TADA2A: variants seen among roughly 807,000 people sequenced by gnomAD.
TADA2A encodes the protein transcriptional adaptor 2A.
Under a neutral mutation model 67.4 loss-of-function variants are expected in TADA2A, and 38 were observed. That is an observed-to-expected ratio of 0.56 (90% confidence interval 0.44 to 0.74). The LOEUF (loss-of-function observed/expected upper bound fraction) is 0.74, where lower values mean the gene tolerates loss of function less well. TADA2A is among the 30% of genes least tolerant of loss of function. TADA2A has a pLI of 0.00. For synonymous variants in TADA2A, 192 were observed against 181.6 expected, an observed-to-expected ratio of 1.06 and a Z score of -0.46; for missense variants, 454 against 547.0, an observed-to-expected ratio of 0.83 and a Z score of 1.70.
chr17:37,412,988 C>T (rs535212085), intron 2 of TADA2A, among the ~76,000 whole-genome samples: 1 of 152,086 alleles, frequency 6.6e-6, no homozygotes, highest in South Asian at 2.1e-4. Context: ...AGTGCAGTGG[C>T]ATGATCTCGG....
intron 9 of TADA2A, among the ~76,000 whole-genome samples, chr17:37,460,824 TATCTC>T (rs1407357495): frequency 6.6e-6 from 1 of 152,108 alleles, no homozygotes; most frequent in Non-Finnish European, 1.5e-5. Flanking sequence ...GACACAGTGA[TATCTC>T]AGCAATAAAA....
intron 4 of TADA2A, among the ~76,000 whole-genome samples, chr17:37,435,122 T>G (rs2147953690): frequency 6.6e-6 from 1 of 152,186 alleles, no homozygotes; most frequent in East Asian, 1.9e-4. Flanking sequence ...GGCACATGCT[T>G]GTAATCCCAG....
intron 1 of TADA2A, among the ~76,000 whole-genome samples, chr17:37,409,063 C>T (rs1277608591): frequency 6.6e-6 from 1 of 152,118 alleles, no homozygotes; most frequent in African/African-American, 2.4e-5. Flanking sequence ...AGATAGGTAT[C>T]CGATATAGTC....
At chr17:37,412,697 C>T (rs1043541117) in intron 2 of TADA2A, among the ~76,000 whole-genome samples, 1 of 151,556 alleles carries the variant, frequency 6.6e-6, no homozygotes, top group East Asian at 2.0e-4. Flanking sequence ...GCAGGAGAAT[C>T]GCTTGAACCT....
intron 9 of TADA2A, among the ~76,000 whole-genome samples, chr17:37,459,247 C>CTTTT (rs34871036): frequency 6.8e-6 from 1 of 146,248 alleles, no homozygotes; most frequent in African/African-American, 2.5e-5. Flanking sequence ...TATTGTTACA[C>CTTTT]TTTTTTTTTT....
chr17:37,470,193 A>G (rs2053756426), intron 12 of TADA2A, among the ~76,000 whole-genome samples: 1 of 152,172 alleles, frequency 6.6e-6, no homozygotes, highest in South Asian at 2.1e-4. Flanking sequence ...AAGGAATACA[A>G]ATGTTTAATA....
At chr17:37,435,531 G>A (rs2147954749) in intron 4 of TADA2A, among the ~76,000 whole-genome samples, 1 of 152,172 alleles carries the variant, frequency 6.6e-6, no homozygotes, top group South Asian at 2.1e-4. Context: ...CTCGTGATCT[G>A]CCCGCCTTGG....
chr17:37,453,198 A>G (rs1413181249), intron 8 of TADA2A, among the ~76,000 whole-genome samples: 1 of 152,224 alleles, frequency 6.6e-6, no homozygotes, highest in East Asian at 1.9e-4. Context: ...AAAGAAAAAG[A>G]GAGTATCTTA....
At chr17:37,467,983 G>T (rs1197329667) in intron 12 of TADA2A, among the ~76,000 whole-genome samples, 1 of 152,006 alleles carries the variant, frequency 6.6e-6, no homozygotes, top group Non-Finnish European at 1.5e-5. Context: ...TCGGGAGGCT[G>T]AGGCACAAGA....
chr17:37,436,203 A>G (rs551594210), intron 4 of TADA2A, among the ~76,000 whole-genome samples: 4 of 152,272 alleles, frequency 2.6e-5, no homozygotes, highest in African/African-American at 9.6e-5. Context: ...AGATTTGGCA[A>G]TTTCTTTTGT....
intron 4 of TADA2A, among the ~76,000 whole-genome samples, chr17:37,431,166 A>T (rs1382497589): frequency 6.6e-6 from 1 of 152,148 alleles, no homozygotes; most frequent in African/African-American, 2.4e-5. Context: ...AAAAGTTCAG[A>T]TATACACAAG....
intron 4 of TADA2A, among the ~76,000 whole-genome samples, chr17:37,432,236 C>T (rs1364905189): frequency 2.0e-5 from 3 of 152,040 alleles, no homozygotes; most frequent in Non-Finnish European, 4.4e-5. Context: ...ACAATCTCGG[C>T]TCACTGCAAC....
chr17:37,454,697 TG>T, intron 8 of TADA2A: 1 of 343,546 alleles, frequency 2.9e-6, no homozygotes, highest in Admixed American at 3.2e-5. Flanking sequence ...AAGAACCTGC[TG>T]AGCAGTCAAA....
At chr17:37,436,316 G>C (rs959302478) in intron 4 of TADA2A, 3 of 152,022 alleles carry the variant, frequency 2.0e-5, no homozygotes, top group African/African-American at 7.2e-5. Context: ...ATTGATTTCT[G>C]AGTTCGTTAT....
chr17:37,417,093 C>T (rs763709518), intron 2 of TADA2A, among the ~76,000 whole-genome samples: 1 of 151,804 alleles, frequency 6.6e-6, no homozygotes, highest in Non-Finnish European at 1.5e-5. Context: ...AATGTACATA[C>T]AAAAGACCGG....
At chr17:37,439,281 A>T (rs2052826606) in intron 5 of TADA2A, among the ~76,000 whole-genome samples, 1 of 151,528 alleles carries the variant, frequency 6.6e-6, no homozygotes, top group Non-Finnish European at 1.5e-5. Flanking sequence ...TTTAAATTTT[A>T]TTATTATTAT....
At chr17:37,451,377 G>A (rs1038322821) in intron 8 of TADA2A, among the ~76,000 whole-genome samples, 1 of 147,034 alleles carries the variant, frequency 6.8e-6, no homozygotes, top group Non-Finnish European at 1.5e-5. Context: ...GGAGTGCAGT[G>A]GTGCAATCTT....
intron 4 of TADA2A, among the ~76,000 whole-genome samples, chr17:37,429,152 C>T (rs2052498433): frequency 6.6e-6 from 1 of 151,878 alleles, no homozygotes; most frequent in East Asian, 1.9e-4. Flanking sequence ...AGGCTGGTCT[C>T]AAACTCCTGG....
At chr17:37,469,709 G>A (rs1455673254) in intron 12 of TADA2A, among the ~76,000 whole-genome samples, 5 of 150,326 alleles carry the variant, frequency 3.3e-5, no homozygotes, top group Non-Finnish European at 7.4e-5. Flanking sequence ...GGACCCGCCG[G>A]TATCTGGCAG....
Sources: allele counts gnomAD v4.1 joint callset (sites outside exome capture counted in the v4.1 genomes callset), GRCh38; gene constraint gnomAD v4.1.1; transcripts MANE v1.5; gene names NCBI Gene and HGNC (gene_info 2026-07-23, HGNC 2026-07-21).